The following LYRM2 variants were observed in gnomAD, a reference collection of about 807,000 sequenced individuals.
The protein encoded by LYRM2 is LYR motif containing 2.
LYRM2 carries 8 observed loss-of-function variants against 11.6 expected under a neutral mutation model. The observed-to-expected ratio is 0.69, with a 90% confidence interval of 0.40 to 1.24. The LOEUF is 1.24. LYRM2 is among the 50% of genes most tolerant of loss of function. The pLI, the probability that LYRM2 is intolerant of heterozygous loss-of-function variation, is 0.01. For missense variants in LYRM2, 117 were observed against 102.9 expected (o/e 1.14, Z -0.59); for synonymous variants, 30 against 36.4 (o/e 0.83, Z 0.63).
Position 89,633,964 on chromosome 6 carries a change from G to A in LYRM2, c.*3309C>T, listed in dbSNP as rs1807875266. 6.6e-6 allele frequency: 1 copy of A among 152,220 alleles called. No individual in the cohort carries two copies. Among genetic ancestry groups the A allele is most frequent in the South Asian group, 2.1e-4 (1 of 4,826 alleles). 9.4% of individuals were successfully genotyped at this position (152,220 alleles called of 1,614,324 possible). A position where few individuals can be genotyped will look rare whatever the true frequency, so the allele number is the denominator to read the frequency against. On this transcript the variant is annotated 3_prime_UTR_variant, in exon 3 of 3. Coordinates refer to ENST00000523377, the MANE Select transcript of LYRM2 (RefSeq NM_020466.5). Reference sequence around the variant, plus strand: ...TTAGAGTAAATACATTGGCTGTAAAGTCGCGATCAGGTGCTCTCCACCAAA... The same window carrying A: ...TTAGAGTAAATACATTGGCTGTAAAATCGCGATCAGGTGCTCTCCACCAAA...
Position 89,633,956 on chromosome 6 carries a change from G to A in LYRM2, c.*3317C>T, listed in dbSNP as rs1414299475. 2 of 152,134 alleles carry A rather than the reference G, an allele frequency of 1.3e-5. No individual in the cohort carries two copies. The highest frequency in any genetic ancestry group is 2.4e-5 in the African/African-American group (1 of 41,428). The allele number at this position is 152,134 out of a possible 1,614,324, so 9.4% of individuals were successfully genotyped here. A position where few individuals can be genotyped will look rare whatever the true frequency, so the allele number is the denominator to read the frequency against. On this transcript the variant is annotated 3_prime_UTR_variant, in exon 3 of 3. Transcript: ENST00000523377. ...AGTGTAATTTAGAGTAAATACATTG[G>A]CTGTAAAGTCGCGATCAGGTGCTCT... is the stretch of plus-strand genomic sequence containing the variant.
In LYRM2 at chr6:89,634,405, A is replaced by C. The variant is rs746505611; in HGVS notation, c.*2868T>G. The C allele has an allele frequency of 6.6e-6, 1 of 150,496 alleles. No homozygotes were observed. 9.3% of individuals were successfully genotyped at this position (150,496 alleles called of 1,614,324 possible). ...AAGTCATTCCATTCTGGGTGACAGA[A>C]TGAGGTAAGACTGTCTCTTTAAAAA... On this transcript the variant is annotated 3_prime_UTR_variant, in exon 3 of 3. Coordinates refer to ENST00000523377, the MANE Select transcript of LYRM2 (RefSeq NM_020466.5).
At chr6:89,638,513 C>T in intron 1 of LYRM2, 159 bp downstream of exon 1, 1 of 1,540,532 alleles carries the variant, frequency 6.5e-7, no homozygotes. Flanking sequence ...CCGTCAGGCC[C>T]CGCGGAGCGA....
rs1362788231 is a variant in LYRM2, at chr6:89,633,966, C to T, written c.*3307G>A. On this transcript the variant is annotated 3_prime_UTR_variant, in exon 3 of 3. Transcript: ENST00000523377. ...AGAGTAAATACATTGGCTGTAAAGT[C>T]GCGATCAGGTGCTCTCCACCAAAAG... The T allele has an allele frequency of 1.3e-5, 2 of 152,158 alleles. No individual in the cohort carries two copies. Among genetic ancestry groups the T allele is most frequent in the East Asian group, 3.9e-4 (2 of 5,194 alleles). 9.4% of individuals were successfully genotyped at this position (152,158 alleles called of 1,614,324 possible). A position where few individuals can be genotyped will look rare whatever the true frequency, so the allele number is the denominator to read the frequency against.
At chr6:89,638,179 A>T (rs931499862) in intron 1 of LYRM2, 3 of 739,700 alleles carry the variant, frequency 4.1e-6, no homozygotes, top group Non-Finnish European at 5.5e-6. Context: ...TCTCAAAAAG[A>T]TGTTTTAAAG....
In LYRM2 at chr6:89,637,730, T is replaced by G. The variant is rs115085953; in HGVS notation, c.186+12A>C. On this transcript the variant is annotated intron_variant, in intron 2 of 2. Transcript: ENST00000523377. Reference sequence around the variant, plus strand: ...GGGTTAGGATCTGTCCTCACCATGATTTTGTTCTCACCTCTTCGGTGGCAC... The same window carrying G: ...GGGTTAGGATCTGTCCTCACCATGAGTTTGTTCTCACCTCTTCGGTGGCAC... 1 of 1,613,296 alleles carries G rather than the reference T, an allele frequency of 6.2e-7. No individual in the cohort carries two copies. Among genetic ancestry groups the G allele is most frequent in the Non-Finnish European group, 8.5e-7 (1 of 1,179,694 alleles).
At position 89,637,042 on chromosome 6, in the gene LYRM2, T is replaced by G. The variant is rs1298426798; in HGVS notation, c.*231A>C. On this transcript the variant is annotated 3_prime_UTR_variant, in exon 3 of 3. Coordinates refer to ENST00000523377, the MANE Select transcript of LYRM2 (RefSeq NM_020466.5). ...TGTCCAGCATCTACTGGCCATTTGT[T>G]AGTGGTTTTTTTCTTCTTTTAAGAA... 1 of 396,400 alleles carries G rather than the reference T, an allele frequency of 2.5e-6. No homozygotes were observed. Among genetic ancestry groups the G allele is most frequent in the Middle Eastern group, 6.9e-4 (1 of 1,458 alleles). 24.6% of individuals were successfully genotyped at this position (396,400 alleles called of 1,614,324 possible).
Position 89,635,498 on chromosome 6 carries a change from C to G in LYRM2, c.*1775G>C, listed in dbSNP as rs1807977329. 1 of 152,314 alleles carries G rather than the reference C, an allele frequency of 6.6e-6. No homozygotes were observed. Among genetic ancestry groups the G allele is most frequent in the Non-Finnish European group, 1.5e-5 (1 of 68,068 alleles). 9.4% of individuals were successfully genotyped at this position (152,314 alleles called of 1,614,324 possible). A position where few individuals can be genotyped will look rare whatever the true frequency, so the allele number is the denominator to read the frequency against. ...GAGGTAGAGGTGGACCCTGACAGTCCAGGTCATTAACATCCACATTCAGTT... is the reference window on the plus strand; with the variant it reads ...GAGGTAGAGGTGGACCCTGACAGTCGAGGTCATTAACATCCACATTCAGTT... On this transcript the variant is annotated 3_prime_UTR_variant, in exon 3 of 3. Transcript: ENST00000523377.
In LYRM2 at chr6:89,638,429, CG is replaced by C. The variant is rs929956137; in HGVS notation, c.45+242del. 19 of 1,429,040 alleles carry C rather than the reference CG, an allele frequency of 1.3e-5. No homozygotes were observed. In the Admixed American group the frequency reaches 5.5e-4, roughly 42 times the overall value. 88.5% of individuals were successfully genotyped at this position (1,429,040 alleles called of 1,614,324 possible). On this transcript the variant is annotated intron_variant, in intron 1 of 2. Transcript: ENST00000523377. ...CGTGGGCACTGGGCAGCTGAGGCAC[CG>C]GGACTCAGGGAAATCAAGCGCCTGA...
rs1337032320 is a variant in LYRM2, at chr6:89,632,570, A to G, written c.*4703T>C. On this transcript the variant is annotated 3_prime_UTR_variant, in exon 3 of 3. Transcript: ENST00000523377. Reference sequence around the variant, plus strand: ...TAGCTTGGGACTACAGGCGTGTGCCACCAGTCCTGGCTAATTTTTTGTAGA... The same window carrying G: ...TAGCTTGGGACTACAGGCGTGTGCCGCCAGTCCTGGCTAATTTTTTGTAGA... 6.6e-6 allele frequency: 1 copy of G among 152,142 alleles called. No individual in the cohort carries two copies. Among genetic ancestry groups the G allele is most frequent in the Non-Finnish European group, 1.5e-5 (1 of 68,038 alleles). 9.4% of individuals were successfully genotyped at this position (152,142 alleles called of 1,614,324 possible).
intron 1 of LYRM2, 86 bp from the exon 2 acceptor site, chr6:89,637,968 G>A: frequency 7.6e-7 from 1 of 1,322,642 alleles, no homozygotes; most frequent in South Asian, 1.4e-5. Flanking sequence ...GCTGTAACCA[G>A]AGTACTTCTC....
Position 89,635,201 on chromosome 6 carries a change from C to A in LYRM2, c.*2072G>T, listed in dbSNP as rs1807963420. The A allele has an allele frequency of 6.6e-6, 1 of 152,104 alleles. No homozygotes were observed. Among genetic ancestry groups the A allele is most frequent in the Admixed American group, 6.5e-5 (1 of 15,276 alleles). 9.4% of individuals were successfully genotyped at this position (152,104 alleles called of 1,614,324 possible). On this transcript the variant is annotated 3_prime_UTR_variant, in exon 3 of 3. Coordinates refer to ENST00000523377, the MANE Select transcript of LYRM2 (RefSeq NM_020466.5). ...ATCATTAAATCACTGACTTCTACACCCATAAAAGGATGATTTTGAGTTTCA... is the reference window on the plus strand; with the variant it reads ...ATCATTAAATCACTGACTTCTACACACATAAAAGGATGATTTTGAGTTTCA...
In LYRM2 at chr6:89,632,671, C is replaced by CT. The variant is rs1807640748; in HGVS notation, c.*4601dup. ...GATTTTCATGTGTTTGGGAGCTTGT[C>CT]TTGTTCTCAACTACTACGCAGGTAG... On this transcript the variant is annotated 3_prime_UTR_variant, in exon 3 of 3. Coordinates refer to ENST00000523377, the MANE Select transcript of LYRM2 (RefSeq NM_020466.5). 2.0e-5 allele frequency: 3 copies of CT among 152,172 alleles called. No individual in the cohort carries two copies. The allele number at this position is 152,172 out of a possible 1,614,324, so 9.4% of individuals were successfully genotyped here. A position where few individuals can be genotyped will look rare whatever the true frequency, so the allele number is the denominator to read the frequency against.
At position 89,635,999 on chromosome 6, in the gene LYRM2, G is replaced by T; in HGVS notation, c.*1274C>A. ...GATTCCCAGTGGTGATCTTTTTGATGAGTTCTCTATCAAACTATGACACAT... is the reference window on the plus strand; with the variant it reads ...GATTCCCAGTGGTGATCTTTTTGATTAGTTCTCTATCAAACTATGACACAT... On this transcript the variant is annotated 3_prime_UTR_variant, in exon 3 of 3. Coordinates refer to ENST00000523377, the MANE Select transcript of LYRM2 (RefSeq NM_020466.5). 5.8e-6 allele frequency: 1 copy of T among 173,334 alleles called. No homozygotes were observed. The allele number at this position is 173,334 out of a possible 1,614,324, so 10.7% of individuals were successfully genotyped here. A position where few individuals can be genotyped will look rare whatever the true frequency, so the allele number is the denominator to read the frequency against.
chr6:89,638,538 G>C (rs1376785285), intron 1 of LYRM2, 134 bp downstream of exon 1: 27 of 1,573,144 alleles, frequency 1.7e-5, no homozygotes, highest in Non-Finnish European at 2.3e-5. Context: ...CCGCCCCGCA[G>C]GCATCGGGCC....
rs1329992241 is a variant in LYRM2 at position 89,633,500 on chromosome 6, T to G, written c.*3773A>C. ...CCTGTCATGCAGGTCATGTTTCAAA[T>G]CAAGGCTGAAATTTTCAACAGCTGT... On this transcript the variant is annotated 3_prime_UTR_variant, in exon 3 of 3. Coordinates refer to ENST00000523377, the MANE Select transcript of LYRM2 (RefSeq NM_020466.5). 7 of 152,202 alleles carry G rather than the reference T, an allele frequency of 4.6e-5. No individual in the cohort carries two copies. Among genetic ancestry groups the G allele is most frequent in the Non-Finnish European group, 8.8e-5 (6 of 68,022 alleles). 9.4% of individuals were successfully genotyped at this position (152,202 alleles called of 1,614,324 possible).
At position 89,635,516 on chromosome 6, in the gene LYRM2, A is replaced by G. The variant is rs1807978414; in HGVS notation, c.*1757T>C. ...GACAGTCCAGGTCATTAACATCCAC[A>G]TTCAGTTGATGCCTCTCAGACACAG... On this transcript the variant is annotated 3_prime_UTR_variant, in exon 3 of 3. Coordinates refer to ENST00000523377, the MANE Select transcript of LYRM2 (RefSeq NM_020466.5). 4 of 152,430 alleles carry G rather than the reference A, an allele frequency of 2.6e-5. No individual in the cohort carries two copies. The South Asian group carries it at 8.3e-4, about 32-fold the overall frequency. The allele number at this position is 152,430 out of a possible 1,614,324, so 9.4% of individuals were successfully genotyped here. A position where few individuals can be genotyped will look rare whatever the true frequency, so the allele number is the denominator to read the frequency against.
In LYRM2 at chr6:89,635,328, T is replaced by A. The variant is rs1479735072; in HGVS notation, c.*1945A>T. 4 of 152,240 alleles carry A rather than the reference T, an allele frequency of 2.6e-5. No homozygotes were observed. Among genetic ancestry groups the A allele is most frequent in the African/African-American group, 9.6e-5 (4 of 41,464 alleles). 9.4% of individuals were successfully genotyped at this position (152,240 alleles called of 1,614,324 possible). A position where few individuals can be genotyped will look rare whatever the true frequency, so the allele number is the denominator to read the frequency against. ...TCAGAAACGTCACAAATGCTTCTGTTTGTCAGATCATTTTGCAACAGGTTA... is the reference window on the plus strand; with the variant it reads ...TCAGAAACGTCACAAATGCTTCTGTATGTCAGATCATTTTGCAACAGGTTA... On this transcript the variant is annotated 3_prime_UTR_variant, in exon 3 of 3. Transcript: ENST00000523377.
chr6:89,638,458 C>T, intron 1 of LYRM2: 2 of 1,467,734 alleles, frequency 1.4e-6, no homozygotes, highest in Non-Finnish European at 1.8e-6. Flanking sequence ...GCGCCTGACG[C>T]TGTCTCACGC....
Sources: allele counts gnomAD v4.1 joint callset, GRCh38; gene constraint gnomAD v4.1.1; transcripts MANE v1.5; gene names NCBI Gene and HGNC (gene_info 2026-07-23, HGNC 2026-07-21).